ME1: variants seen among roughly 807,000 people sequenced by gnomAD.
ME1 encodes the protein malic enzyme 1.
In ME1, 74 loss-of-function variants were observed where a neutral mutation model predicts 66.4. That is an observed-to-expected ratio of 1.11 (90% CI 0.92 to 1.35). The LOEUF (loss-of-function observed/expected upper bound fraction) is 1.35. ME1 is among the 40% of genes most tolerant of loss of function. The pLI is 0.00. For missense variants in ME1, 750 were observed against 694.1 expected, an observed-to-expected ratio of 1.08 and a Z score of -0.90; for synonymous variants, 251 against 235.6, an observed-to-expected ratio of 1.07 and a Z score of -0.60.
At position 83,315,327 on chromosome 6, in the gene ME1, C is replaced by T; in HGVS notation, c.687G>A (p.Met229Ile). 1 of 1,606,674 alleles carries T rather than the reference C, an allele frequency of 6.2e-7. No homozygotes were observed. The highest frequency in any genetic ancestry group is 8.5e-7 in the Non-Finnish European group (1 of 1,174,094). The change falls in exon 6 of 14, where the codon ATG (methionine) becomes ATA (isoleucine). Residue 229 changes from methionine to isoleucine, a missense_variant. Transcript: ENST00000369705. ...ATACATACTTGGAAGAAACTGCCTCCATGAATTCGTCCAAAAAATCATCAT... is the reference window on the plus strand; with the variant it reads ...ATACATACTTGGAAGAAACTGCCTCTATGAATTCGTCCAAAAAATCATCAT... Reference protein sequence around the residue: ...SEYDDFLDEFMEAVSSKYGMN... With the variant: ...SEYDDFLDEFIEAVSSKYGMN...
At chr6:83,287,418 C>G (rs1562469954) in intron 6 of ME1, among the ~76,000 whole-genome samples, 1 of 152,170 alleles carries the variant, frequency 6.6e-6, no homozygotes, top group Non-Finnish European at 1.5e-5. Context: ...GTTTTCTGAT[C>G]TTGCGATAGT....
intron 5 of ME1, among the ~76,000 whole-genome samples, chr6:83,333,244 TAA>T (rs1768451243): frequency 6.6e-6 from 1 of 152,212 alleles, no homozygotes; most frequent in Non-Finnish European, 1.5e-5. Flanking sequence ...TTTTTATTAT[TAA>T]GTGTAAAATA....
At chr6:83,397,192 C>A (rs1490205249) in intron 3 of ME1, among the ~76,000 whole-genome samples, 1 of 152,100 alleles carries the variant, frequency 6.6e-6, no homozygotes, top group Non-Finnish European at 1.5e-5. Flanking sequence ...GAAGAGACAA[C>A]CTATGGAATA....
In ME1 at chr6:83,407,797, AT is replaced by A; in HGVS notation, c.182del (p.Asn61IlefsTer5). ...CAAAGTCAGAGTTCAGATGCTCGAA[AT>A]TTTTTACTACTCTAAGAACCTGGAT... is the stretch of plus-strand genomic sequence containing the variant. ...QEIQVLRVVK[N>X]FEHLNSDFDR... On this transcript the variant is annotated frameshift_variant, in exon 2 of 14. Transcript: ENST00000369705. LOFTEE classifies it high-confidence loss of function. The A allele has an allele frequency of 6.2e-7, 1 of 1,608,656 alleles. No homozygotes were observed. Among genetic ancestry groups the A allele is most frequent in the South Asian group, 1.1e-5 (1 of 89,550 alleles).
chr6:83,429,761 A>G (rs1306402985), intron 1 of ME1, among the ~76,000 whole-genome samples: 1 of 152,210 alleles, frequency 6.6e-6, no homozygotes. Context: ...AGTCATTAAT[A>G]TGATCAACAA....
chr6:83,217,872 G>A (rs1244372360), intron 12 of ME1, among the ~76,000 whole-genome samples: 1 of 152,124 alleles, frequency 6.6e-6, no homozygotes, highest in African/African-American at 2.4e-5. Context: ...AAAGGAGTTT[G>A]GAGTTAAATC....
At chr6:83,254,799 A>G (rs569272305) in intron 6 of ME1, among the ~76,000 whole-genome samples, 3 of 152,268 alleles carry the variant, frequency 2.0e-5, no homozygotes, top group African/African-American at 4.8e-5. Context: ...CCTGTCCCCA[A>G]GCATTTTCAG....
intron 5 of ME1, among the ~76,000 whole-genome samples, chr6:83,332,300 G>T (rs1445715647): frequency 1.3e-5 from 2 of 152,172 alleles, no homozygotes; most frequent in Non-Finnish European, 2.9e-5. Context: ...CTTATACACT[G>T]TTATTGAGAA....
In ME1 at chr6:83,227,392, C is replaced by T. The variant is rs772011827; in HGVS notation, c.1218G>A (p.Leu406=). Residue 406 remains leucine, a synonymous_variant, in exon 11 of 14, where the codon TTG becomes TTA. Coordinates refer to ENST00000369705, the MANE Select transcript of ME1 (RefSeq NM_002395.6). The part of the protein sequence containing the change: ...AFNERPIIFA[L]SNPTSKAECS... The stretch of plus-strand genomic sequence containing the variant: ...ATTCTGCTTTGCTAGTTGGATTACT[C>T]AAAGCAAAAATAATAGGCCGTTCAT... 2 of 1,606,878 alleles carry T rather than the reference C, an allele frequency of 1.2e-6. No individual in the cohort carries two copies. Among genetic ancestry groups the T allele is most frequent in the Non-Finnish European group, 1.7e-6 (2 of 1,175,380 alleles).
chr6:83,261,686 G>A (rs1293924749), intron 6 of ME1, among the ~76,000 whole-genome samples: 1 of 151,948 alleles, frequency 6.6e-6, no homozygotes, highest in African/African-American at 2.4e-5. Context: ...TTGGGAGTCT[G>A]GTTTAGGGAA....
At chr6:83,248,433 C>T (rs1397560402) in intron 7 of ME1, among the ~76,000 whole-genome samples, 3 of 152,060 alleles carry the variant, frequency 2.0e-5, no homozygotes, top group African/African-American at 4.8e-5. Flanking sequence ...GTTTGTAGCG[C>T]CAAAGGCACT....
intron 4 of ME1, among the ~76,000 whole-genome samples, chr6:83,346,907 A>G (rs1163578426): frequency 6.6e-6 from 1 of 151,844 alleles, no homozygotes; most frequent in Non-Finnish European, 1.5e-5. Context: ...AGACTTAATG[A>G]ATTTTGTCTT....
intron 3 of ME1, among the ~76,000 whole-genome samples, chr6:83,385,726 A>G (rs1186062677): frequency 6.6e-6 from 1 of 151,918 alleles, no homozygotes; most frequent in Non-Finnish European, 1.5e-5. Context: ...AATGCTTAGG[A>G]AAGAAGACAG....
At chr6:83,251,950 T>C (rs1486286725) in intron 7 of ME1, among the ~76,000 whole-genome samples, 1 of 152,146 alleles carries the variant, frequency 6.6e-6, no homozygotes, top group African/African-American at 2.4e-5. Flanking sequence ...TCTGACAAAT[T>C]GTAGAGATAT....
In ME1 at chr6:83,300,659, A is replaced by C. The variant is rs143817496; in HGVS notation, c.704+14651T>G. 5.4e-3 allele frequency among the ~76,000 whole-genome samples: 744 copies of C among 137,156 alleles called. 8 individuals are homozygous for C. Among genetic ancestry groups the C allele is most frequent in the African/African-American group, 0.02 (708 of 34,836 alleles). The allele number at this position is 137,156 out of a possible 152,430, so 90.0% of individuals were successfully genotyped here. A position where few individuals can be genotyped will look rare whatever the true frequency, so the allele number is the denominator to read the frequency against. On this transcript the variant is annotated intron_variant, in intron 6 of 13. Transcript: ENST00000369705. The stretch of plus-strand genomic sequence containing the variant: ...GAGATGGAGTTGTGCAGGATCTAGA[A>C]CTAGAAATACCATTTGACCCAGCCA...
At chr6:83,222,585 T>C (rs898957438) in intron 12 of ME1, among the ~76,000 whole-genome samples, 2 of 152,240 alleles carry the variant, frequency 1.3e-5, no homozygotes, top group African/African-American at 4.8e-5. Flanking sequence ...AAACATGATA[T>C]CAACCTGATG....
At chr6:83,332,532 T>C (rs1429666847) in intron 5 of ME1, among the ~76,000 whole-genome samples, 1 of 152,144 alleles carries the variant, frequency 6.6e-6, no homozygotes, top group African/African-American at 2.4e-5. Context: ...AATGAGTGGA[T>C]AAAGAAAATT....
rs187268332 is a variant in ME1, at chr6:83,352,789, T to C, written c.363-650A>G. On this transcript the variant is annotated intron_variant, in intron 3 of 13. Coordinates refer to ENST00000369705, the MANE Select transcript of ME1 (RefSeq NM_002395.6). ...TTAAAATAATAGAATTTAAAATATG[T>C]AAATGCCTTATCCTCATTTAAAAGT... 5.1e-4 allele frequency among the ~76,000 whole-genome samples: 77 copies of C among 152,340 alleles called. 1 individual carries two copies. The highest frequency in any genetic ancestry group is 1.7e-3 in the African/African-American group (72 of 41,588).
At chr6:83,251,779 C>G (rs868020498) in intron 7 of ME1, among the ~76,000 whole-genome samples, 2 of 152,090 alleles carry the variant, frequency 1.3e-5, no homozygotes, top group Non-Finnish European at 2.9e-5. Context: ...AAACATGCAT[C>G]AGACCATGCA....
Sources: allele counts gnomAD v4.1 joint callset (sites outside exome capture counted in the v4.1 genomes callset), GRCh38; gene constraint gnomAD v4.1.1; transcripts MANE v1.5; gene names NCBI Gene and HGNC (gene_info 2026-07-23, HGNC 2026-07-21).